BPIFA1: variants seen among roughly 807,000 people sequenced by gnomAD.
The protein encoded by BPIFA1 is BPI fold-containing family A member 1.
A neutral mutation model predicts 25.1 loss-of-function variants in BPIFA1; 24 were observed. The observed-to-expected ratio is 0.96, with a 90% CI of 0.69 to 1.35. The LOEUF is 1.35. Ranked by LOEUF, BPIFA1 falls within the 40% of genes most tolerant of loss-of-function variation. The pLI, the probability that BPIFA1 is intolerant of heterozygous loss-of-function variation, is 0.00. For missense variants in BPIFA1, 344 were observed against 303.7 expected, an observed-to-expected ratio of 1.13 and a Z score of -0.99; for synonymous variants, 139 against 131.8, an observed-to-expected ratio of 1.05 and a Z score of -0.37.
chr20:33,240,087 C>G (rs1191100402), intron 4 of BPIFA1, 146 bp from the exon 5 acceptor site: 10 of 1,418,018 alleles, frequency 7.1e-6, no homozygotes, highest in African/African-American at 1.4e-5. Context: ...CCTCTTAAGT[C>G]TTTGTTTCTC....
rs759205310 is a variant in BPIFA1, at chr20:33,241,392, C to A, written c.589C>A (p.Pro197Thr). 7 of 1,613,654 alleles carry A rather than the reference C, an allele frequency of 4.3e-6. No individual in the cohort carries two copies. The highest frequency in any genetic ancestry group is 5.9e-6 in the Non-Finnish European group (7 of 1,179,720). ...LQISLLDGLGPLPIQGLLDSL... is the reference protein window; with the variant it reads ...LQISLLDGLGTLPIQGLLDSL... ...ATGACTTTTCTCTTTCAGACTTGGC[C>A]CCCTCCCCATTCAAGGTCTTCTGGA... The change falls in exon 6 of 9, where the codon CCC becomes ACC. Residue 197 changes from proline (P) to threonine (T), a missense_variant. By Grantham distance (38) the Pro-to-Thr change is conservative. Coordinates refer to ENST00000354297, the MANE Select transcript of BPIFA1 (RefSeq NM_130852.3).
intron 5 of BPIFA1, 43 bp from the exon 6 acceptor site, chr20:33,241,342 C>G: frequency 6.5e-7 from 1 of 1,549,232 alleles, no homozygotes; most frequent in Non-Finnish European, 8.9e-7. Context: ...CTTCTCCACA[C>G]CATCTCCAGG....
At chr20:33,239,139 C>T (rs775927505) in intron 3 of BPIFA1, among the ~76,000 whole-genome samples, 1 of 152,116 alleles carries the variant, frequency 6.6e-6, no homozygotes, top group East Asian at 1.9e-4. Context: ...GGTCACAGGC[C>T]TGGCTTCTCC....
At chr20:33,238,286 G>A in intron 3 of BPIFA1, 72 bp downstream of exon 3, 1 of 860,376 alleles carries the variant, frequency 1.2e-6, no homozygotes. Context: ...GCCCCAGGCA[G>A]TGACCCTGAA....
At chr20:33,236,910 A>G (rs1978706352) in intron 1 of BPIFA1, among the ~76,000 whole-genome samples, 1 of 152,114 alleles carries the variant, frequency 6.6e-6, no homozygotes, top group Non-Finnish European at 1.5e-5. Context: ...AAAGGTCTAC[A>G]TGAGATGGTG....
chr20:33,240,695 G>C (rs1978934954), intron 5 of BPIFA1, among the ~76,000 whole-genome samples: 1 of 134,756 alleles, frequency 7.4e-6, no homozygotes, highest in Non-Finnish European at 1.6e-5. Context: ...AGATAAAGTA[G>C]TACTTATTCC....
Position 33,242,569 on chromosome 20 carries a change from C to T in BPIFA1, c.*34+8C>T. The T allele has an allele frequency of 6.3e-7, 1 of 1,597,454 alleles. No homozygotes were observed. The highest frequency in any genetic ancestry group is 2.2e-5 in the East Asian group (1 of 44,772). ...CTGGCCTCTGCTGAGCTGGTAAGTG[C>T]CCTTCCCCACACCCCAGGGTTTTGG... is the stretch of plus-strand genomic sequence containing the variant. On this transcript the variant is annotated splice_region_variant and intron_variant, in intron 8 of 8. Coordinates refer to ENST00000354297, the MANE Select transcript of BPIFA1 (RefSeq NM_130852.3).
intron 4 of BPIFA1, 102 bp downstream of exon 4, chr20:33,240,012 C>A: frequency 1.5e-6 from 2 of 1,376,930 alleles, no homozygotes; most frequent in African/African-American, 1.4e-5. Flanking sequence ...CAGACCTGAG[C>A]CTCCAACTTC....
chr20:33,238,876 C>T (rs886148242), intron 3 of BPIFA1, among the ~76,000 whole-genome samples: 2 of 152,166 alleles, frequency 1.3e-5, no homozygotes, highest in Non-Finnish European at 2.9e-5. Flanking sequence ...AAAATCCTAC[C>T]CACCCAGGGT....
chr20:33,241,524 T>C, intron 6 of BPIFA1, 55 bp downstream of exon 6: 4 of 1,497,996 alleles, frequency 2.7e-6, no homozygotes, highest in Non-Finnish European at 3.7e-6. Context: ...CTTCTTGCAC[T>C]AAAACAAAGC....
intron 5 of BPIFA1, 84 bp downstream of exon 5, chr20:33,240,469 A>G: frequency 6.6e-7 from 1 of 1,517,164 alleles, no homozygotes. Flanking sequence ...AGACAATGAG[A>G]GAATAGATGA....
In BPIFA1 at chr20:33,238,086, G is replaced by T; in HGVS notation, c.192G>T (p.Leu64=). The T allele has an allele frequency of 6.2e-7, 1 of 1,613,974 alleles. No homozygotes were observed. Among genetic ancestry groups the T allele is most frequent in the Non-Finnish European group, 8.5e-7 (1 of 1,179,966 alleles). The part of the protein sequence containing the change: ...ALSNGLLSGG[L]LGILENLPLL... ...GCAATGGCCTGCTGTCTGGGGGCCTGTTGGGCATTCTGGAAAACCTTCCGC... is the reference window on the plus strand; with the variant it reads ...GCAATGGCCTGCTGTCTGGGGGCCTTTTGGGCATTCTGGAAAACCTTCCGC... The change falls in exon 3 of 9, where the codon CTG becomes CTT. Residue 64 remains leucine, a synonymous_variant. Coordinates refer to ENST00000354297, the MANE Select transcript of BPIFA1 (RefSeq NM_130852.3).
intron 1 of BPIFA1, 96 bp from the exon 2 acceptor site, chr20:33,237,601 G>A: frequency 9.3e-7 from 1 of 1,072,636 alleles, no homozygotes; most frequent in East Asian, 2.9e-5. Flanking sequence ...GGTGTTCTGG[G>A]GAGCAAACAA....
intron 1 of BPIFA1, among the ~76,000 whole-genome samples, chr20:33,237,215 C>T (rs1268431267): frequency 6.6e-6 from 1 of 152,146 alleles, no homozygotes; most frequent in Non-Finnish European, 1.5e-5. Flanking sequence ...GGGAAAGTTA[C>T]CCACACTCGG....
At chr20:33,242,595 G>GGAA in intron 8 of BPIFA1, 34 bp downstream of exon 8, 2 of 1,527,346 alleles carry the variant, frequency 1.3e-6, no homozygotes, top group Non-Finnish European at 1.8e-6. Flanking sequence ...AGGGTTTTGG[G>GGAA]GGCTGGCTGT....
Position 33,240,645 on chromosome 20 carries a change from T to TA in BPIFA1, c.581+260_581+261insA, listed in dbSNP as rs1555794389. Among the ~76,000 whole-genome samples the TA allele has an allele frequency of 5.0e-3, 717 of 142,956 alleles. 12 individuals carry two copies. The highest frequency in any genetic ancestry group is 0.017 in the African/African-American group (632 of 37,318). 93.8% of individuals were successfully genotyped at this position (142,956 alleles called of 152,430 possible). ...ATAGATAGATGGATGGATAGATAGA[T>TA]GATAGATAGATAGATAGATAGATAG... On this transcript the variant is annotated intron_variant, in intron 5 of 8. Coordinates refer to ENST00000354297, the MANE Select transcript of BPIFA1 (RefSeq NM_130852.3).
intron 6 of BPIFA1, 37 bp from the exon 7 acceptor site, chr20:33,242,019 G>C: frequency 6.3e-7 from 1 of 1,586,540 alleles, no homozygotes; most frequent in Non-Finnish European, 8.7e-7. Flanking sequence ...GCTCCAGGGT[G>C]CCACTCTGCC....
intron 1 of BPIFA1, among the ~76,000 whole-genome samples, chr20:33,236,898 A>G (rs1978705626): frequency 6.6e-6 from 1 of 152,044 alleles, no homozygotes; most frequent in Non-Finnish European, 1.5e-5. Context: ...GAATTCCCCA[A>G]CAAAGGTCTA....
intron 5 of BPIFA1, among the ~76,000 whole-genome samples, chr20:33,240,719 C>A (rs999714745): frequency 1.3e-5 from 2 of 152,052 alleles, no homozygotes; most frequent in Non-Finnish European, 2.9e-5. Context: ...TTAGACCAAG[C>A]TAACCAATTT....
Sources: allele counts gnomAD v4.1 joint callset (sites outside exome capture counted in the v4.1 genomes callset), GRCh38; gene constraint gnomAD v4.1.1; transcripts MANE v1.5; gene names NCBI Gene and HGNC (gene_info 2026-07-23, HGNC 2026-07-21).